The following RNF152 variants were observed in gnomAD, a reference collection of about 807,000 sequenced individuals.
RNF152 encodes ring finger protein 152.
RNF152 carries 11 observed loss-of-function variants against 12.7 expected under a neutral mutation model. The observed-to-expected ratio is 0.86, with a 90% confidence interval of 0.54 to 1.43. RNF152 has a LOEUF of 1.43. Among genes scored for constraint, RNF152 ranks in the 40% most tolerant of loss-of-function variants. RNF152 has a pLI of 0.00. For missense variants in RNF152, 255 were observed against 274.8 expected (o/e 0.93, Z 0.51); for synonymous variants, 113 against 120.3 (o/e 0.94, Z 0.40).
In RNF152 at chr18:61,812,254, C is replaced by T. The variant is rs1393368394; in HGVS notation, c.*3598G>A. On this transcript the variant is annotated 3_prime_UTR_variant, in exon 2 of 2. Transcript: ENST00000312828. ...TTCCCTTGTAGTAACCCCATTTTAACTGCCTAAAAGTCAATGTGCCTGGTG... is the reference window on the plus strand; with the variant it reads ...TTCCCTTGTAGTAACCCCATTTTAATTGCCTAAAAGTCAATGTGCCTGGTG... 1 of 152,182 alleles carries T rather than the reference C, an allele frequency of 6.6e-6. No individual in the cohort carries two copies. The highest frequency in any genetic ancestry group is 2.4e-5 in the African/African-American group (1 of 41,444). The allele number at this position is 152,182 out of a possible 1,614,324, so 9.4% of individuals were successfully genotyped here. A position where few individuals can be genotyped will look rare whatever the true frequency, so the allele number is the denominator to read the frequency against.
At chr18:61,874,343 T>C (rs930249462) in intron 1 of RNF152, among the ~76,000 whole-genome samples, 3 of 152,230 alleles carry the variant, frequency 2.0e-5, no homozygotes, top group African/African-American at 7.2e-5. Flanking sequence ...CATATTGTAT[T>C]TCCGATTACA....
intron 1 of RNF152, among the ~76,000 whole-genome samples, chr18:61,835,973 T>C (rs1004676294): frequency 3.3e-5 from 5 of 152,180 alleles, no homozygotes; most frequent in South Asian, 4.1e-4. Flanking sequence ...AGAAGGAACA[T>C]AGTTGTACTG....
At chr18:61,838,657 G>A (rs1910297752) in intron 1 of RNF152, among the ~76,000 whole-genome samples, 1 of 152,012 alleles carries the variant, frequency 6.6e-6, no homozygotes, top group South Asian at 2.1e-4. Flanking sequence ...TAACATTCAC[G>A]GCCAGGAAGA....
intron 1 of RNF152, among the ~76,000 whole-genome samples, chr18:61,859,540 C>T (rs1911369113): frequency 6.6e-6 from 1 of 152,152 alleles, no homozygotes; most frequent in East Asian, 1.9e-4. Context: ...CTGTGTGGGG[C>T]AGGGGAATGG....
At chr18:61,845,575 C>T (rs927257796) in intron 1 of RNF152, among the ~76,000 whole-genome samples, 2 of 152,126 alleles carry the variant, frequency 1.3e-5, no homozygotes, top group Admixed American at 6.5e-5. Flanking sequence ...GTTTTTATAA[C>T]GTTTCATTTT....
intron 1 of RNF152, among the ~76,000 whole-genome samples, chr18:61,849,913 T>G (rs1674588066): frequency 6.6e-6 from 1 of 152,206 alleles, no homozygotes; most frequent in Non-Finnish European, 1.5e-5. Flanking sequence ...GTAAGTTCTA[T>G]CAAGTACTGT....
At chr18:61,892,421 A>G (rs879943639) in intron 1 of RNF152, among the ~76,000 whole-genome samples, 1 of 152,190 alleles carries the variant, frequency 6.6e-6, no homozygotes, top group Non-Finnish European at 1.5e-5. Context: ...ATACCTTTTC[A>G]ACAAAGGATA....
At chr18:61,831,123 C>A (rs11877687) in intron 1 of RNF152, among the ~76,000 whole-genome samples, 40,390 of 152,078 alleles carry the variant, frequency 0.27, 6,167 homozygotes, top group Non-Finnish European at 0.35. Flanking sequence ...AGAGATTAAA[C>A]CTTAACAGCA....
intron 1 of RNF152, among the ~76,000 whole-genome samples, chr18:61,876,232 G>A (rs1047674039): frequency 2.0e-5 from 3 of 152,154 alleles, no homozygotes; most frequent in African/African-American, 7.2e-5. Flanking sequence ...TGAATCCTCT[G>A]AATTCCACTA....
At chr18:61,842,489 A>C (rs376971864) in intron 1 of RNF152, among the ~76,000 whole-genome samples, 27 of 152,320 alleles carry the variant, frequency 1.8e-4, no homozygotes, top group African/African-American at 6.3e-4. Context: ...GTTTCCCTGG[A>C]GACTTGTTTT....
In RNF152 at chr18:61,809,380, T is replaced by G. The variant is rs575084461; in HGVS notation, c.*6472A>C. 2 of 152,352 alleles carry G rather than the reference T, an allele frequency of 1.3e-5. No individual in the cohort carries two copies. Among genetic ancestry groups the G allele is most frequent in the African/African-American group, 4.8e-5 (2 of 41,576 alleles). 9.4% of individuals were successfully genotyped at this position (152,352 alleles called of 1,614,324 possible). On this transcript the variant is annotated 3_prime_UTR_variant, in exon 2 of 2. Coordinates refer to ENST00000312828, the MANE Select transcript of RNF152 (RefSeq NM_173557.3). The stretch of plus-strand genomic sequence containing the variant: ...AACTAGATCCCCTTTAAGAGGCATT[T>G]GTCATCTCTATTTCCTTCTGCTTAC...
rs1181030425 is a variant in RNF152, at chr18:61,814,395, C to T, written c.*1457G>A. 2 of 152,206 alleles carry T rather than the reference C, an allele frequency of 1.3e-5. No individual in the cohort carries two copies. The highest frequency in any genetic ancestry group is 2.9e-5 in the Non-Finnish European group (2 of 68,036). The allele number at this position is 152,206 out of a possible 1,614,324, so 9.4% of individuals were successfully genotyped here. ...TAAGTGGAGTCCTTGTCACATACCA[C>T]TTGCTTCATGAATTCCATAAAAGAA... On this transcript the variant is annotated 3_prime_UTR_variant, in exon 2 of 2. Transcript: ENST00000312828.
At chr18:61,853,324 G>A (rs1911072034) in intron 1 of RNF152, among the ~76,000 whole-genome samples, 1 of 141,142 alleles carries the variant, frequency 7.1e-6, no homozygotes, top group East Asian at 2.0e-4. Context: ...TTGGAGACAG[G>A]TTACCCAGGC....
intron 1 of RNF152, among the ~76,000 whole-genome samples, chr18:61,859,867 T>A (rs771367500): frequency 6.9e-6 from 1 of 144,144 alleles, no homozygotes; most frequent in Admixed American, 6.7e-5. Context: ...CAACAGAGAC[T>A]CCACCTCAAA....
At chr18:61,857,023 A>G (rs751745787) in intron 1 of RNF152, among the ~76,000 whole-genome samples, 1 of 152,214 alleles carries the variant, frequency 6.6e-6, no homozygotes, top group Non-Finnish European at 1.5e-5. Flanking sequence ...AAGTAGTAAA[A>G]CAAGGAGAAA....
chr18:61,868,553 A>G (rs919116558), intron 1 of RNF152, among the ~76,000 whole-genome samples: 1 of 152,102 alleles, frequency 6.6e-6, no homozygotes, highest in African/African-American at 2.4e-5. Context: ...AACTACAAAA[A>G]TTAGCCGGGC....
intron 1 of RNF152, among the ~76,000 whole-genome samples, chr18:61,861,280 C>G (rs532094551): frequency 7.2e-5 from 11 of 152,258 alleles, no homozygotes; most frequent in Admixed American, 3.9e-4. Context: ...TACAGGTGTA[C>G]CTTTTTTATC....
intron 1 of RNF152, among the ~76,000 whole-genome samples, chr18:61,838,773 C>T (rs1240344059): frequency 3.3e-5 from 5 of 152,278 alleles, no homozygotes; most frequent in South Asian, 4.1e-4. Context: ...TTCACCTCCA[C>T]GTTCAGATCT....
In RNF152 at chr18:61,874,347, G is replaced by A. The variant is rs76950134; in HGVS notation, c.-136+18448C>T. Among the ~76,000 whole-genome samples the A allele has an allele frequency of 1.2e-3, 178 of 152,334 alleles. 2 individuals are homozygous for A. In the East Asian group the frequency reaches 0.029, roughly 25 times the overall value. On this transcript the variant is annotated intron_variant, in intron 1 of 1. Transcript: ENST00000312828. The stretch of plus-strand genomic sequence containing the variant: ...GTGATAGCCAACATATTGTATTTCC[G>A]ATTACAGATACAGGATTCAGCTACC...
Sources: allele counts gnomAD v4.1 joint callset (sites outside exome capture counted in the v4.1 genomes callset), GRCh38; gene constraint gnomAD v4.1.1; transcripts MANE v1.5; gene names NCBI Gene and HGNC (gene_info 2026-07-23, HGNC 2026-07-21).